The following NXPE4 variants were observed in gnomAD, a reference collection of about 807,000 sequenced individuals.
The protein encoded by NXPE4 is NXPE family member 4.
Under a neutral mutation model 33.3 loss-of-function variants are expected in NXPE4, and 42 were observed. The observed-to-expected ratio is 1.26, with a 90% confidence interval of 0.98 to 1.63. The LOEUF (loss-of-function observed/expected upper bound fraction) is 1.63, where lower values mean the gene tolerates loss of function less well. Ranked by LOEUF, NXPE4 falls within the 40% of genes most tolerant of loss-of-function variation. The pLI is 0.00. For synonymous variants in NXPE4, 253 were observed against 234.9 expected, an observed-to-expected ratio of 1.08 and a Z score of -0.71; for missense variants, 709 against 647.6, an observed-to-expected ratio of 1.09 and a Z score of -1.03.
chr11:114,632,443 A>G, the NXPE4 span, among the ~76,000 whole-genome samples: 3 of 130,698 alleles, frequency 2.3e-5, no homozygotes, highest in African/African-American at 8.4e-5. Context: ...TATATAATAT[A>G]TAATTTATAA....
intron 2 of NXPE4, among the ~76,000 whole-genome samples, chr11:114,593,698 G>A (rs2135295578): frequency 6.6e-6 from 1 of 152,164 alleles, no homozygotes; most frequent in Non-Finnish European, 1.5e-5. Context: ...AAGGAAATCA[G>A]TATATCCAAG....
chr11:114,650,411 A>G, the NXPE4 span, among the ~76,000 whole-genome samples: 1 of 152,316 alleles, frequency 6.6e-6, no homozygotes, highest in South Asian at 2.1e-4. Context: ...TATGAGAAAG[A>G]CTCAGAGAAG....
At chr11:114,654,371 A>T in the NXPE4 span, among the ~76,000 whole-genome samples, 157 of 152,126 alleles carry the variant, frequency 1.0e-3, no homozygotes, top group African/African-American at 3.7e-3. Context: ...TAAAAAAAAA[A>T]TGGGATACAC....
At chr11:114,661,141 G>T in the NXPE4 span, among the ~76,000 whole-genome samples, 1 of 152,098 alleles carries the variant, frequency 6.6e-6, no homozygotes, top group African/African-American at 2.4e-5. Context: ...GTTTGTGGAT[G>T]GGCAGGTTCA....
At chr11:114,662,463 A>T in the NXPE4 span, among the ~76,000 whole-genome samples, 2 of 152,246 alleles carry the variant, frequency 1.3e-5, no homozygotes, top group Admixed American at 1.3e-4. Flanking sequence ...AAGACAGTCT[A>T]GGCCACAAGG....
the NXPE4 span, among the ~76,000 whole-genome samples, chr11:114,662,383 G>C: frequency 6.6e-6 from 1 of 152,178 alleles, no homozygotes; most frequent in Non-Finnish European, 1.5e-5. Context: ...CATCCGGGTT[G>C]TTGGAACTTG....
At chr11:114,664,874 G>T in the NXPE4 span, among the ~76,000 whole-genome samples, 2 of 152,242 alleles carry the variant, frequency 1.3e-5, no homozygotes, top group Non-Finnish European at 2.9e-5. Flanking sequence ...TGTACTACTG[G>T]ATTGTCAGAT....
At chr11:114,611,883 C>T in the NXPE4 span, among the ~76,000 whole-genome samples, 4 of 151,764 alleles carry the variant, frequency 2.6e-5, no homozygotes, top group African/African-American at 9.7e-5. Context: ...AGAAATATTG[C>T]CTCATGGGTA....
chr11:114,570,745 G>A lies in NXPE4; in HGVS notation c.*193C>T. On this transcript the variant is annotated 3_prime_UTR_variant, in exon 6 of 6. Coordinates refer to ENST00000375478, the MANE Select transcript of NXPE4 (RefSeq NM_001077639.2). Reference sequence around the variant, plus strand: ...TAGGCTCTTTTCATGAGTATTTTTAGTTTTATTTTTAAGTGGAAGCCCAGA... The same window carrying A: ...TAGGCTCTTTTCATGAGTATTTTTAATTTTATTTTTAAGTGGAAGCCCAGA... 1 of 496,394 alleles carries A rather than the reference G, an allele frequency of 2.0e-6. No individual in the cohort carries two copies. The highest frequency in any genetic ancestry group is 3.2e-5 in the East Asian group (1 of 30,792). 30.7% of individuals were successfully genotyped at this position (496,394 alleles called of 1,614,324 possible).
the NXPE4 span, among the ~76,000 whole-genome samples, chr11:114,613,113 G>A: frequency 6.6e-6 from 1 of 151,526 alleles, no homozygotes. Flanking sequence ...GGTAACCACT[G>A]TAACCAGGTG....
At chr11:114,614,266 G>C in the NXPE4 span, among the ~76,000 whole-genome samples, 1 of 151,876 alleles carries the variant, frequency 6.6e-6, no homozygotes, top group African/African-American at 2.4e-5. Flanking sequence ...AGTAAGTATT[G>C]CTTCATGGGT....
the NXPE4 span, among the ~76,000 whole-genome samples, chr11:114,636,000 C>T: frequency 6.6e-6 from 1 of 151,960 alleles, no homozygotes; most frequent in Admixed American, 6.6e-5. Context: ...AGGGAGGATT[C>T]CCTCTTTTTC....
Position 114,580,277 on chromosome 11 carries a change from C to A in NXPE4, c.954G>T (p.Gly318=), listed in dbSNP as rs776254489. 6 of 1,613,838 alleles carry A rather than the reference C, an allele frequency of 3.7e-6. No individual in the cohort carries two copies. Residue 318 remains glycine, a synonymous_variant, in exon 5 of 6, where the codon GGG becomes GGT. Transcript: ENST00000375478. The part of the protein sequence containing the change: ...KFGMTSTIPS[G]HVWRNTWNPV... ...GATTCCATGTGTTTCTCCAGACATG[C>A]CCACTGGGGATTGTGGATGTCATTC...
At chr11:114,670,525 C>A in the NXPE4 span, among the ~76,000 whole-genome samples, 1 of 151,750 alleles carries the variant, frequency 6.6e-6, no homozygotes, top group East Asian at 1.9e-4. Context: ...GACATCATCT[C>A]TACAAAAAAT....
the NXPE4 span, among the ~76,000 whole-genome samples, chr11:114,670,957 T>C: frequency 6.6e-6 from 1 of 150,632 alleles, no homozygotes; most frequent in East Asian, 2.0e-4. Context: ...GTTCAAGGAA[T>C]TAAAGGAAGC....
chr11:114,619,382 G>C, the NXPE4 span, among the ~76,000 whole-genome samples: 2 of 151,936 alleles, frequency 1.3e-5, no homozygotes, highest in African/African-American at 4.8e-5. Flanking sequence ...TGCCACCTGG[G>C]TAACCACTGT....
chr11:114,618,730 G>T, the NXPE4 span, among the ~76,000 whole-genome samples: 2 of 152,054 alleles, frequency 1.3e-5, no homozygotes, highest in Admixed American at 1.3e-4. Context: ...TTACCCTGTG[G>T]AAAATAAGTG....
the NXPE4 span, among the ~76,000 whole-genome samples, chr11:114,657,469 T>C: frequency 6.6e-6 from 1 of 152,198 alleles, no homozygotes; most frequent in South Asian, 2.1e-4. Flanking sequence ...ATCACAGTAT[T>C]TCATATCATG....
the NXPE4 span, among the ~76,000 whole-genome samples, chr11:114,653,533 C>CTTTTTTTTTT: frequency 9.7e-6 from 1 of 103,528 alleles, no homozygotes; most frequent in African/African-American, 3.5e-5. Flanking sequence ...CCTGCTTTCC[C>CTTTTTTTTTT]TTTTTTTTTT....
Sources: allele counts gnomAD v4.1 joint callset (sites outside exome capture counted in the v4.1 genomes callset), GRCh38; gene constraint gnomAD v4.1.1; transcripts MANE v1.5; gene names NCBI Gene and HGNC (gene_info 2026-07-23, HGNC 2026-07-21).